Variants in COPG2 observed in about 807,000 individuals in gnomAD.
The protein encoded by COPG2 is coatomer subunit gamma-2.
In COPG2, 37 loss-of-function variants were observed where a neutral mutation model predicts 46.3. The observed-to-expected ratio is 0.80, with a 90% confidence interval of 0.61 to 1.05. The LOEUF is 1.05. Among genes scored for constraint, COPG2 ranks in the 50% least tolerant of loss-of-function variants. The pLI, the probability that COPG2 is intolerant of heterozygous loss-of-function variation, is 0.00. For synonymous variants in COPG2, 159 were observed against 129.7 expected, an observed-to-expected ratio of 1.23 and a Z score of -1.53; for missense variants, 427 against 387.8, an observed-to-expected ratio of 1.10 and a Z score of -0.85.
At chr7:130,508,426 A>C in intron 21 of COPG2, 136 bp downstream of exon 21, 1 of 609,696 alleles carries the variant, frequency 1.6e-6, no homozygotes. Context: ...AGGTCCTCCT[A>C]ATTTGTCATC....
chr7:130,630,420 A>G (rs13241924), intron 5 of COPG2, among the ~76,000 whole-genome samples: 64,504 of 152,130 alleles, frequency 0.42, 16,598 homozygotes, highest in East Asian at 0.59. Context: ...AAATTTGCTA[A>G]GCTCACTTAT....
intron 20 of COPG2, among the ~76,000 whole-genome samples, chr7:130,528,428 G>A (rs1250833963): frequency 1.3e-5 from 2 of 152,018 alleles, no homozygotes; most frequent in African/African-American, 2.4e-5. Context: ...TAGCTGGGCA[G>A]AGCAGGTGGA....
At chr7:130,542,805 A>C (rs1437340600) in intron 20 of COPG2, among the ~76,000 whole-genome samples, 1 of 152,206 alleles carries the variant, frequency 6.6e-6, no homozygotes, top group East Asian at 1.9e-4. Context: ...TAACCTTATG[A>C]ATTTGTGCAG....
At chr7:130,651,627 C>T (rs1393688003) in intron 5 of COPG2, among the ~76,000 whole-genome samples, 3 of 150,434 alleles carry the variant, frequency 2.0e-5, no homozygotes, top group African/African-American at 7.3e-5. Flanking sequence ...CGCCATTCTC[C>T]TGCCTCAGCC....
At chr7:130,596,871 T>A (rs1794538421) in intron 9 of COPG2, among the ~76,000 whole-genome samples, 1 of 152,218 alleles carries the variant, frequency 6.6e-6, no homozygotes, top group Non-Finnish European at 1.5e-5. Context: ...CGAGGACAAG[T>A]CAAGGCTATG....
intron 5 of COPG2, among the ~76,000 whole-genome samples, chr7:130,632,993 T>C (rs1040542036): frequency 2.6e-5 from 4 of 152,034 alleles, no homozygotes; most frequent in Non-Finnish European, 4.4e-5. Flanking sequence ...GAACATGCAG[T>C]GTTTGGTTTT....
intron 20 of COPG2, chr7:130,509,606 C>T: frequency 8.5e-6 from 4 of 471,752 alleles, no homozygotes; most frequent in Non-Finnish European, 1.7e-5. Flanking sequence ...TCCATTCATC[C>T]ATCCACACAT....
At chr7:130,645,176 T>G (rs1408446811) in intron 5 of COPG2, 1 of 609,934 alleles carries the variant, frequency 1.6e-6, no homozygotes, top group Middle Eastern at 3.0e-4. Context: ...TCCTCATGCT[T>G]CCACGTATTC....
chr7:130,638,788 T>C (rs1466480490), intron 5 of COPG2, among the ~76,000 whole-genome samples: 2 of 151,690 alleles, frequency 1.3e-5, no homozygotes, highest in Non-Finnish European at 1.5e-5. Flanking sequence ...AAAAAAAAAC[T>C]CCTGCAGCTA....
rs1314676362 is a variant in COPG2, at chr7:130,591,762, G to A, written c.737+19191C>T. ...AGCCCCCCGCCCGGCCAGCCACCCC[G>A]TCCGGGAGGGAAGTGGAGGGGTCAG... On this transcript the variant is annotated intron_variant, in intron 9 of 23. Coordinates refer to ENST00000425248, the MANE Select transcript of COPG2 (RefSeq NM_012133.6). Among the ~76,000 whole-genome samples the A allele has an allele frequency of 1.6e-4, 23 of 146,300 alleles. No individual in the cohort carries two copies. The East Asian group carries it at 1.8e-3, about 12-fold the overall frequency.
At chr7:130,536,277 A>G in intron 20 of COPG2, among the ~76,000 whole-genome samples, 1 of 152,094 alleles carries the variant, frequency 6.6e-6, no homozygotes, top group East Asian at 1.9e-4. Flanking sequence ...TAGGAAGTGT[A>G]CCTGGAAATA....
intron 5 of COPG2, among the ~76,000 whole-genome samples, chr7:130,627,804 G>T: frequency 6.6e-6 from 1 of 150,444 alleles, no homozygotes; most frequent in African/African-American, 2.5e-5. Flanking sequence ...GCGGGGTGCG[G>T]TTCAGGGGAG....
chr7:130,656,654 A>C (rs1211068178), intron 4 of COPG2, among the ~76,000 whole-genome samples: 3 of 152,148 alleles, frequency 2.0e-5, no homozygotes, highest in Non-Finnish European at 2.9e-5. Context: ...AATATATAAA[A>C]GTTCATTTAA....
At chr7:130,657,557 A>G (rs528766440) in intron 4 of COPG2, among the ~76,000 whole-genome samples, 1 of 152,324 alleles carries the variant, frequency 6.6e-6, no homozygotes, top group East Asian at 1.9e-4. Context: ...CAAAATTTAA[A>G]ACTTCTGCCC....
Position 130,557,829 on chromosome 7 carries a change from A to AAAAAAAAC in COPG2, c.1129-2698_1129-2697insGTTTTTTT, listed in dbSNP as rs1793653992. ...TGAAACTCCATCTCAAAAAAAAAAAAAAAAAAAAATCATGCAAGAATAGCC... is the reference window on the plus strand; with the variant it reads ...TGAAACTCCATCTCAAAAAAAAAAAAAAAAAAACAAAAAAAAATCATGCAAGAATAGCC... On this transcript the variant is annotated intron_variant, in intron 12 of 23. Coordinates refer to ENST00000425248, the MANE Select transcript of COPG2 (RefSeq NM_012133.6). Among the ~76,000 whole-genome samples, 9 of 147,742 alleles carry AAAAAAAAC rather than the reference A, an allele frequency of 6.1e-5. 1 individual carries two copies. The highest frequency in any genetic ancestry group is 2.2e-4 in the African/African-American group (9 of 40,484).
At chr7:130,606,950 C>A (rs1264169515) in intron 9 of COPG2, among the ~76,000 whole-genome samples, 1 of 152,104 alleles carries the variant, frequency 6.6e-6, no homozygotes, top group Non-Finnish European at 1.5e-5. Flanking sequence ...CCATTAAAGT[C>A]ATGGACAAGG....
intron 9 of COPG2, chr7:130,607,499 G>C (rs1416962219): frequency 4.6e-6 from 2 of 436,196 alleles, no homozygotes; most frequent in East Asian, 1.3e-4. Flanking sequence ...TCTTTAGCAA[G>C]AAGCTTGGCT....
chr7:130,653,951 C>T (rs1795799957), intron 4 of COPG2, among the ~76,000 whole-genome samples: 1 of 151,456 alleles, frequency 6.6e-6, no homozygotes, highest in Non-Finnish European at 1.5e-5. Flanking sequence ...TTCAGGAACA[C>T]CCCACCCCAA....
In COPG2 at chr7:130,530,727, C is replaced by T. The variant is rs1339887526; in HGVS notation, c.2149+16947G>A. On this transcript the variant is annotated intron_variant, in intron 20 of 23. Transcript: ENST00000425248. ...TTCAAGAAAGAATGTGGAAGTGGGA[C>T]GATGAGGCAGTGCAACAGGGGAGTC... 3.9e-5 allele frequency among the ~76,000 whole-genome samples: 6 copies of T among 151,976 alleles called. No individual in the cohort carries two copies. In the East Asian group the frequency reaches 1.2e-3, roughly 30 times the overall value.
Sources: gnomAD v4.1 joint callset for allele counts (sites outside exome capture counted in the v4.1 genomes callset) on GRCh38, gnomAD v4.1.1 for gene constraint, MANE v1.5 for transcripts, NCBI Gene and HGNC (gene_info 2026-07-23, HGNC 2026-07-21) for gene names.